ATP8A2: variants seen among roughly 807,000 people sequenced by gnomAD.
The protein encoded by ATP8A2 is phospholipid-transporting ATPase IB.
Under a neutral mutation model 165.6 loss-of-function variants are expected in ATP8A2, and 100 were observed. The ratio of observed to expected loss-of-function variants is 0.60; its 90% CI spans 0.51 to 0.71. ATP8A2 has a LOEUF of 0.71. Among genes scored for constraint, ATP8A2 ranks in the 30% least tolerant of loss-of-function variants. The pLI is 0.00. For missense variants in ATP8A2, 1,227 were observed against 1,479.5 expected, an observed-to-expected ratio of 0.83 and a Z score of 2.80; for synonymous variants, 543 against 548.8, an observed-to-expected ratio of 0.99 and a Z score of 0.15.
chr13:25,766,229 A>G (rs1014733977), intron 25 of ATP8A2, among the ~76,000 whole-genome samples: 4 of 152,192 alleles, frequency 2.6e-5, no homozygotes, highest in African/African-American at 4.8e-5. Flanking sequence ...TAGATCCACT[A>G]TGTCCTCAGT....
At chr13:25,791,704 C>T in intron 27 of ATP8A2, among the ~76,000 whole-genome samples, 1 of 152,084 alleles carries the variant, frequency 6.6e-6, no homozygotes, top group East Asian at 1.9e-4. Flanking sequence ...ATCATCCTCC[C>T]TTCAGGACAC....
At chr13:25,611,985 T>G (rs2040700095) in intron 24 of ATP8A2, among the ~76,000 whole-genome samples, 1 of 152,156 alleles carries the variant, frequency 6.6e-6, no homozygotes, top group African/African-American at 2.4e-5. Context: ...TTGTAATAAC[T>G]CCCGTTTCAT....
At chr13:25,768,899 A>G in intron 25 of ATP8A2, 147 bp from the exon 26 acceptor site, 1 of 765,896 alleles carries the variant, frequency 1.3e-6, no homozygotes, top group South Asian at 1.6e-5. Context: ...CTGTTTTCTG[A>G]AAGCTTCTTT....
intron 25 of ATP8A2, among the ~76,000 whole-genome samples, chr13:25,743,341 T>C (rs1566096771): frequency 6.6e-6 from 1 of 152,172 alleles, no homozygotes; most frequent in Non-Finnish European, 1.5e-5. Context: ...CACCTTGATC[T>C]ACACCTCCGG....
At chr13:25,571,791 CT>C in intron 18 of ATP8A2, 99 bp downstream of exon 18, 1 of 1,084,030 alleles carries the variant, frequency 9.2e-7, no homozygotes, top group Non-Finnish European at 1.4e-6. Flanking sequence ...CTAAATTTCT[CT>C]TTCAGTGAAA....
rs542047364 is a variant in ATP8A2 at position 25,493,705 on chromosome 13, A to T, written c.221+24584A>T. Reference sequence around the variant, plus strand: ...AATTTGATAACCATTTGATGAGTACACTGGTGCTAATTTCAGCCATACATG... The same window carrying T: ...AATTTGATAACCATTTGATGAGTACTCTGGTGCTAATTTCAGCCATACATG... On this transcript the variant is annotated intron_variant, in intron 2 of 36. Transcript: ENST00000381655. 2.6e-5 allele frequency among the ~76,000 whole-genome samples: 4 copies of T among 152,298 alleles called. No homozygotes were observed. The East Asian group carries it at 5.8e-4, about 22-fold the overall frequency.
intron 2 of ATP8A2, among the ~76,000 whole-genome samples, chr13:25,516,681 C>G (rs145416996): frequency 6.6e-6 from 1 of 151,144 alleles, no homozygotes; most frequent in African/African-American, 2.4e-5. Flanking sequence ...AAAAATGATC[C>G]TTCTCTTGCA....
intron 26 of ATP8A2, among the ~76,000 whole-genome samples, chr13:25,769,707 C>G (rs190096155): frequency 6.6e-6 from 1 of 151,996 alleles, no homozygotes; most frequent in African/African-American, 2.4e-5. Context: ...TTACAGCTGT[C>G]GCCTTCTCTG....
At chr13:25,577,516 T>C (rs2039651974) in intron 20 of ATP8A2, among the ~76,000 whole-genome samples, 2 of 152,316 alleles carry the variant, frequency 1.3e-5, no homozygotes, top group South Asian at 2.1e-4. Context: ...ATTGGTTCTC[T>C]AGCACCTCTT....
At chr13:25,868,931 T>C (rs1056257298) in intron 33 of ATP8A2, among the ~76,000 whole-genome samples, 1 of 151,928 alleles carries the variant, frequency 6.6e-6, no homozygotes, top group African/African-American at 2.4e-5. Flanking sequence ...TATCCAGGCA[T>C]GGTGGCGGGC....
chr13:25,803,014 AT>A lies in ATP8A2; in HGVS notation c.2680-25094del, dbSNP rs370514025. On this transcript the variant is annotated intron_variant, in intron 27 of 36. Transcript: ENST00000381655. ...TAAGACAACTGTGAAAAACTGGAGA[AT>A]TTTTTTTTTAAAGGCGTGAAGGATG... 1.0e-3 allele frequency among the ~76,000 whole-genome samples: 156 copies of A among 149,752 alleles called. 3 individuals are homozygous for A. The East Asian group carries it at 0.023, about 22-fold the overall frequency.
intron 33 of ATP8A2, among the ~76,000 whole-genome samples, chr13:25,932,776 C>G (rs532153379): frequency 1.3e-5 from 2 of 152,314 alleles, no homozygotes; most frequent in South Asian, 4.1e-4. Flanking sequence ...ATAGTTAATG[C>G]CCCCCAAATT....
intron 27 of ATP8A2, among the ~76,000 whole-genome samples, chr13:25,779,247 C>G (rs2044815361): frequency 6.6e-6 from 1 of 152,068 alleles, no homozygotes; most frequent in Admixed American, 6.6e-5. Flanking sequence ...CAAATTTTAC[C>G]CATAGTTTTG....
At chr13:25,526,917 T>C (rs1242596467) in intron 2 of ATP8A2, among the ~76,000 whole-genome samples, 1 of 152,178 alleles carries the variant, frequency 6.6e-6, no homozygotes, top group Non-Finnish European at 1.5e-5. Flanking sequence ...ATTTTCCTTT[T>C]TCCAGTGTTA....
chr13:25,903,566 T>G (rs913240070), intron 33 of ATP8A2, among the ~76,000 whole-genome samples: 17 of 152,224 alleles, frequency 1.1e-4, no homozygotes, highest in Non-Finnish European at 2.9e-5. Flanking sequence ...GTCCTTGCAA[T>G]GATCCAGACC....
At chr13:25,512,849 T>G (rs1411541236) in intron 2 of ATP8A2, among the ~76,000 whole-genome samples, 4 of 114,946 alleles carry the variant, frequency 3.5e-5, no homozygotes, top group Admixed American at 1.7e-4. Flanking sequence ...CACTTTCCAG[T>G]AGGGGCGGCC....
intron 25 of ATP8A2, among the ~76,000 whole-genome samples, chr13:25,727,144 G>C (rs1422060969): frequency 1.3e-5 from 2 of 152,174 alleles, no homozygotes; most frequent in Admixed American, 1.3e-4. Flanking sequence ...TTTTTTCTCA[G>C]ATCTCAGAAA....
At position 25,882,935 on chromosome 13, in the gene ATP8A2, A is replaced by G. The variant is rs1182003; in HGVS notation, c.3183+20527A>G. 4.7e-3 allele frequency among the ~76,000 whole-genome samples: 681 copies of G among 145,726 alleles called. 1 individual carries two copies. The highest frequency in any genetic ancestry group is 0.017 in the African/African-American group (643 of 36,924). On this transcript the variant is annotated intron_variant, in intron 33 of 36. Transcript: ENST00000381655. Reference sequence around the variant, plus strand: ...GATGATGATGATGATGATGATGATGATGATGGTGATGGTGATGATGGTGAT... The same window carrying G: ...GATGATGATGATGATGATGATGATGGTGATGGTGATGGTGATGATGGTGAT...
At chr13:25,687,131 T>C (rs2042618748) in intron 24 of ATP8A2, among the ~76,000 whole-genome samples, 1 of 152,156 alleles carries the variant, frequency 6.6e-6, no homozygotes. Context: ...ACAGCGGCCA[T>C]GAGCAGAGTG....
Sources: allele counts gnomAD v4.1 joint callset (sites outside exome capture counted in the v4.1 genomes callset), GRCh38; gene constraint gnomAD v4.1.1; transcripts MANE v1.5; gene names NCBI Gene and HGNC (gene_info 2026-07-23, HGNC 2026-07-21).